PDE11A: variants seen among roughly 807,000 people sequenced by gnomAD.
PDE11A encodes phosphodiesterase 11A.
PDE11A carries 100 observed loss-of-function variants against 100.5 expected under a neutral mutation model. The observed-to-expected ratio is 1.00, with a 90% CI of 0.85 to 1.18. The LOEUF is 1.18. PDE11A is among the 50% of genes most tolerant of loss of function. PDE11A has a pLI of 0.00. For synonymous variants in PDE11A, 381 were observed against 420.8 expected (o/e 0.91, Z 1.16); for missense variants, 1,141 against 1,152.6 (o/e 0.99, Z 0.15).
At chr2:177,879,336 G>A (rs943586295) in intron 4 of PDE11A, among the ~76,000 whole-genome samples, 2 of 152,054 alleles carry the variant, frequency 1.3e-5, no homozygotes, top group African/African-American at 2.4e-5. Flanking sequence ...GCCACTCTGC[G>A]GTTTCTCTTT....
At chr2:178,008,751 A>G (rs138065007) in intron 2 of PDE11A, among the ~76,000 whole-genome samples, 136 of 152,290 alleles carry the variant, frequency 8.9e-4, no homozygotes, top group African/African-American at 3.1e-3. Context: ...CAGTTGGCAG[A>G]GCAGCATCAT....
At position 177,628,577 on chromosome 2, in the gene PDE11A, C is replaced by T. The variant is rs1311011454; in HGVS notation, c.*830G>A. 1 of 152,246 alleles carries T rather than the reference C, an allele frequency of 6.6e-6. No individual in the cohort carries two copies. The highest frequency in any genetic ancestry group is 1.5e-5 in the Non-Finnish European group (1 of 68,050). The allele number at this position is 152,246 out of a possible 1,614,324, so 9.4% of individuals were successfully genotyped here. ...ACTCAAGGTAGTCAATGCTTAGTCTCCATGGCTCTGCTCTGTCCTGTGAAC... is the reference window on the plus strand; with the variant it reads ...ACTCAAGGTAGTCAATGCTTAGTCTTCATGGCTCTGCTCTGTCCTGTGAAC... On this transcript the variant is annotated 3_prime_UTR_variant, in exon 20 of 20. Coordinates refer to ENST00000286063, the MANE Select transcript of PDE11A (RefSeq NM_016953.4).
chr2:177,629,279 G>A lies in PDE11A; in HGVS notation c.*128C>T. 1 of 859,456 alleles carries A rather than the reference G, an allele frequency of 1.2e-6. No homozygotes were observed. Among genetic ancestry groups the A allele is most frequent in the Non-Finnish European group, 2.0e-6 (1 of 501,504 alleles). 53.2% of individuals were successfully genotyped at this position (859,456 alleles called of 1,614,324 possible). A position where few individuals can be genotyped will look rare whatever the true frequency, so the allele number is the denominator to read the frequency against. On this transcript the variant is annotated 3_prime_UTR_variant, in exon 20 of 20. Transcript: ENST00000286063. ...ACCATGCTTCAAGGTGAAAGCCCAG[G>A]CATGCTTCCCAGTGCATCCTTGAGA... is the stretch of plus-strand genomic sequence containing the variant.
intron 13 of PDE11A, among the ~76,000 whole-genome samples, chr2:177,707,017 C>G (rs1284563096): frequency 6.6e-6 from 1 of 151,986 alleles, no homozygotes; most frequent in African/African-American, 2.4e-5. Context: ...AGTTCAAGAG[C>G]TCACATATCT....
chr2:178,099,787 G>A (rs544243223), intron 2 of PDE11A, among the ~76,000 whole-genome samples: 3 of 152,212 alleles, frequency 2.0e-5, no homozygotes, highest in South Asian at 2.1e-4. Context: ...ATGAAAACAC[G>A]GACTCGACAG....
intron 5 of PDE11A, among the ~76,000 whole-genome samples, chr2:177,844,298 G>A (rs1348990171): frequency 1.3e-5 from 2 of 152,034 alleles, no homozygotes; most frequent in African/African-American, 4.8e-5. Context: ...TCCTCACATG[G>A]TAGAAAGAAT....
At chr2:178,027,926 T>TA (rs1169736031) in intron 1 of PDE11A, among the ~76,000 whole-genome samples, 5 of 151,756 alleles carry the variant, frequency 3.3e-5, no homozygotes, top group Admixed American at 6.6e-5. Flanking sequence ...TACTATCAAC[T>TA]AAAAAAAACA....
At chr2:177,665,959 CT>C (rs1266137156) in intron 18 of PDE11A, among the ~76,000 whole-genome samples, 48 of 151,426 alleles carry the variant, frequency 3.2e-4, no homozygotes, top group Non-Finnish European at 5.9e-4. Context: ...TATAAAGTTA[CT>C]TTTTTAAAAA....
chr2:178,092,636 T>C (rs1427841138), intron 2 of PDE11A: 1 of 152,568 alleles, frequency 6.6e-6, no homozygotes, highest in Non-Finnish European at 1.5e-5. Flanking sequence ...GTTTTGCTCT[T>C]GTTGCCCAAG....
At chr2:178,057,961 G>A (rs969623027) in intron 1 of PDE11A, among the ~76,000 whole-genome samples, 3 of 152,064 alleles carry the variant, frequency 2.0e-5, no homozygotes, top group Non-Finnish European at 2.9e-5. Flanking sequence ...GGGTTCAAGC[G>A]ATTCTCCTGC....
intron 5 of PDE11A, among the ~76,000 whole-genome samples, chr2:177,855,985 G>A (rs2083826460): frequency 6.6e-6 from 1 of 150,418 alleles, no homozygotes; most frequent in Non-Finnish European, 1.5e-5. Context: ...AACTGAGAAG[G>A]CTCTCACCTC....
rs530987006 is a variant in PDE11A at position 177,631,724 on chromosome 2, T to C, written c.2647-2162A>G. 9.3e-5 allele frequency among the ~76,000 whole-genome samples: 14 copies of C among 150,016 alleles called. 2 individuals are homozygous for C. Among genetic ancestry groups the C allele is most frequent in the African/African-American group, 3.4e-4 (14 of 40,654 alleles). ...TAAAAATGGACAGAATCAATGAGAA[T>C]GTATGGATTTTTAAGCATTCATACT... On this transcript the variant is annotated intron_variant, in intron 19 of 19. Transcript: ENST00000286063.
intron 2 of PDE11A, among the ~76,000 whole-genome samples, chr2:177,960,254 G>C (rs948827160): frequency 6.6e-6 from 1 of 151,846 alleles, no homozygotes; most frequent in African/African-American, 2.4e-5. Flanking sequence ...AGAGACGGGG[G>C]CCCAAAGTTC....
intron 1 of PDE11A, among the ~76,000 whole-genome samples, chr2:178,018,997 C>T (rs1337282296): frequency 6.6e-6 from 1 of 152,274 alleles, no homozygotes; most frequent in South Asian, 2.1e-4. Context: ...TCTTCATTTA[C>T]CAATCTCTTA....
intron 1 of PDE11A, among the ~76,000 whole-genome samples, chr2:178,066,648 C>T (rs1376350511): frequency 6.6e-6 from 1 of 152,176 alleles, no homozygotes; most frequent in Non-Finnish European, 1.5e-5. Context: ...GCACTCTGCT[C>T]TTAGATGGGG....
chr2:177,873,176 G>GTTCTCACTTC (rs2084170390), intron 5 of PDE11A, among the ~76,000 whole-genome samples: 1 of 152,082 alleles, frequency 6.6e-6, no homozygotes, highest in African/African-American at 2.4e-5. Flanking sequence ...AAGTGACCAT[G>GTTCTCACTTC]AGAACATGTT....
intron 2 of PDE11A, among the ~76,000 whole-genome samples, chr2:177,909,295 T>C (rs1298146189): frequency 6.6e-6 from 1 of 152,196 alleles, no homozygotes; most frequent in African/African-American, 2.4e-5. Context: ...CTCCAATTTT[T>C]CAAGTTAATG....
intron 2 of PDE11A, 56 bp downstream of exon 2, chr2:178,014,246 A>G (rs1354700353): frequency 1.5e-6 from 2 of 1,307,806 alleles, no homozygotes; most frequent in African/African-American, 2.9e-5. Context: ...TTAAAGGAGA[A>G]TAGCAATCAA....
intron 2 of PDE11A, among the ~76,000 whole-genome samples, chr2:178,006,831 G>GC (rs1178937302): frequency 2.0e-5 from 3 of 150,712 alleles, no homozygotes; most frequent in African/African-American, 4.9e-5. Context: ...CAAGGGGGGG[G>GC]GGGGAAGCCA....
Sources: allele counts gnomAD v4.1 joint callset (sites outside exome capture counted in the v4.1 genomes callset), GRCh38; gene constraint gnomAD v4.1.1; transcripts MANE v1.5; gene names NCBI Gene and HGNC (gene_info 2026-07-23, HGNC 2026-07-21).